The following DPP6 variants were observed in gnomAD, a reference collection of about 807,000 sequenced individuals.
DPP6 encodes the protein A-type potassium channel modulatory protein DPP6.
In DPP6, 69 loss-of-function variants were observed where a neutral mutation model predicts 122.6. That is an observed-to-expected ratio of 0.56 (90% confidence interval 0.46 to 0.69). DPP6 has a LOEUF of 0.69. Among genes scored for constraint, DPP6 ranks in the 30% least tolerant of loss-of-function variants. The probability of loss-of-function intolerance (pLI) is 0.00; values close to 1 mark genes in which losing one functional copy is unlikely to be tolerated. For synonymous variants in DPP6, 418 were observed against 433.1 expected (o/e 0.97, Z 0.43); for missense variants, 928 against 1,116.9 (o/e 0.83, Z 2.41).
At chr7:153,758,586 T>A in the DPP6 span, among the ~76,000 whole-genome samples, 141 of 150,858 alleles carry the variant, frequency 9.3e-4, no homozygotes, top group African/African-American at 3.2e-3. Context: ...TATATTACTT[T>A]CCATTTTCTA....
chr7:154,224,488 TTC>T, intron 1 of DPP6, among the ~76,000 whole-genome samples: 1 of 149,184 alleles, frequency 6.7e-6, no homozygotes, highest in Non-Finnish European at 1.5e-5. Flanking sequence ...CTCTAAATGT[TTC>T]TGCATTGGTC....
At chr7:154,452,718 C>T (rs756272677) in intron 2 of DPP6, among the ~76,000 whole-genome samples, 6 of 152,134 alleles carry the variant, frequency 3.9e-5, no homozygotes, top group Non-Finnish European at 7.4e-5. Context: ...GAATCTCATG[C>T]GCATGGTGGA....
chr7:154,335,889 C>T (rs2024366), intron 1 of DPP6, among the ~76,000 whole-genome samples: 102,078 of 151,778 alleles, frequency 0.67, 34,451 homozygotes, highest in East Asian at 0.75. Flanking sequence ...GCGGCTAGGG[C>T]GGAGATAGAG....
chr7:154,686,820 A>G (rs1009354523), intron 7 of DPP6, among the ~76,000 whole-genome samples: 10 of 152,136 alleles, frequency 6.6e-5, no homozygotes, highest in Non-Finnish European at 1.0e-4. Flanking sequence ...TTAAATGTTA[A>G]TGAAATATTT....
At chr7:154,003,502 G>A (rs756867663) in intron 1 of DPP6, among the ~76,000 whole-genome samples, 22 of 152,242 alleles carry the variant, frequency 1.4e-4, no homozygotes, top group Admixed American at 9.2e-4. Flanking sequence ...CTTTGGGGAT[G>A]TCTTTGCTGG....
intron 1 of DPP6, among the ~76,000 whole-genome samples, chr7:153,986,049 C>T (rs1796829404): frequency 6.6e-6 from 1 of 152,162 alleles, no homozygotes; most frequent in Non-Finnish European, 1.5e-5. Flanking sequence ...TTGATAAGAT[C>T]AGGTGCGTTC....
At chr7:154,365,935 G>A (rs1370426645) in intron 1 of DPP6, among the ~76,000 whole-genome samples, 1 of 143,752 alleles carries the variant, frequency 7.0e-6, no homozygotes, top group Non-Finnish European at 1.5e-5. Flanking sequence ...TCCAGCCTGG[G>A]CGACAGAGCG....
At chr7:154,615,615 T>C (rs1834191239) in intron 5 of DPP6, among the ~76,000 whole-genome samples, 1 of 152,128 alleles carries the variant, frequency 6.6e-6, no homozygotes, top group African/African-American at 2.4e-5. Flanking sequence ...CACAAAACTT[T>C]TTCATCACCC....
chr7:154,218,442 G>A (rs1305257319), intron 1 of DPP6, among the ~76,000 whole-genome samples: 1 of 152,182 alleles, frequency 6.6e-6, no homozygotes, highest in Non-Finnish European at 1.5e-5. Flanking sequence ...TAGGTACCCT[G>A]CACATGTCGT....
At chr7:153,900,079 C>G (rs1799578974) in intron 1 of DPP6, among the ~76,000 whole-genome samples, 1 of 152,134 alleles carries the variant, frequency 6.6e-6, no homozygotes. Flanking sequence ...TTGAGCCCAC[C>G]CAGACCTACT....
chr7:154,060,687 CGCCCCTGGCTGTTAGT>C (rs1801672625), intron 1 of DPP6, among the ~76,000 whole-genome samples: 1 of 111,788 alleles, frequency 8.9e-6, no homozygotes, highest in Non-Finnish European at 1.9e-5. Context: ...TCCCCTCTTC[CGCCCCTGGCTGTTAGT>C]ACCCCCATCG....
At chr7:154,392,848 A>G (rs868465653) in intron 1 of DPP6, among the ~76,000 whole-genome samples, 5 of 152,338 alleles carry the variant, frequency 3.3e-5, no homozygotes, top group African/African-American at 1.2e-4. Context: ...GGCCCTCCCC[A>G]AAGTCCCATG....
At chr7:154,426,872 A>G (rs1458373149) in intron 1 of DPP6, among the ~76,000 whole-genome samples, 1 of 152,002 alleles carries the variant, frequency 6.6e-6, no homozygotes, top group Non-Finnish European at 1.5e-5. Flanking sequence ...TGCACAGAAC[A>G]CAAAATTCCA....
At chr7:154,814,424 A>C (rs146824463) in intron 16 of DPP6, among the ~76,000 whole-genome samples, 1 of 152,166 alleles carries the variant, frequency 6.6e-6, no homozygotes, top group Non-Finnish European at 1.5e-5. Flanking sequence ...GTCAGAGAAC[A>C]TGAAAGTGGC....
intron 4 of DPP6, among the ~76,000 whole-genome samples, chr7:154,548,476 C>T (rs1161645225): frequency 2.1e-5 from 3 of 145,710 alleles, no homozygotes; most frequent in Non-Finnish European, 4.5e-5. Flanking sequence ...TACAGTGAGC[C>T]GAGATGGTGC....
chr7:154,719,133 T>C (rs1841662163), intron 7 of DPP6, among the ~76,000 whole-genome samples: 1 of 149,336 alleles, frequency 6.7e-6, no homozygotes, highest in African/African-American at 2.6e-5. Context: ...CGCTTATGAC[T>C]CCTTCTCTCT....
At chr7:154,032,357 A>G (rs945029405) in intron 1 of DPP6, among the ~76,000 whole-genome samples, 14 of 152,116 alleles carry the variant, frequency 9.2e-5, no homozygotes, top group Non-Finnish European at 1.9e-4. Flanking sequence ...GGCCTGAATG[A>G]AGGAATGGGA....
intron 5 of DPP6, among the ~76,000 whole-genome samples, chr7:154,575,625 T>G (rs1283710861): frequency 2.8e-5 from 4 of 143,034 alleles, no homozygotes; most frequent in Non-Finnish European, 6.1e-5. Context: ...GTGTGTGGTG[T>G]GTGTGTGGTG....
the DPP6 span, among the ~76,000 whole-genome samples, chr7:153,759,399 A>AC: frequency 6.6e-6 from 1 of 151,960 alleles, no homozygotes; most frequent in Non-Finnish European, 1.5e-5. Flanking sequence ...GCCCACTGCA[A>AC]CTTCCACCTC....
Sources: gnomAD v4.1 joint callset for allele counts (sites outside exome capture counted in the v4.1 genomes callset) on GRCh38, gnomAD v4.1.1 for gene constraint, MANE v1.5 for transcripts, NCBI Gene and HGNC (gene_info 2026-07-23, HGNC 2026-07-21) for gene names.